CLEC16A: variants seen among roughly 807,000 people sequenced by gnomAD.
CLEC16A encodes protein CLEC16A.
Under a neutral mutation model 109.5 loss-of-function variants are expected in CLEC16A, and 51 were observed. That is an observed-to-expected ratio of 0.47 (90% CI 0.37 to 0.59). CLEC16A has a LOEUF of 0.59. Among genes scored for constraint, CLEC16A ranks in the 20% least tolerant of loss-of-function variants. The pLI, the probability that CLEC16A is intolerant of heterozygous loss-of-function variation, is 0.00. For missense variants in CLEC16A, 1,339 were observed against 1,394.0 expected (o/e 0.96, Z 0.63); for synonymous variants, 673 against 564.2 (o/e 1.19, Z -2.73).
At chr16:11,083,603 A>G (rs1269377676) in intron 19 of CLEC16A, among the ~76,000 whole-genome samples, 1 of 152,166 alleles carries the variant, frequency 6.6e-6, no homozygotes, top group Admixed American at 6.5e-5. Flanking sequence ...CTCTCACTCC[A>G]TCCTAGCATC....
intron 19 of CLEC16A, among the ~76,000 whole-genome samples, chr16:11,117,775 A>C (rs961622174): frequency 6.6e-6 from 1 of 152,158 alleles, no homozygotes; most frequent in Non-Finnish European, 1.5e-5. Context: ...TGGTGGGAAA[A>C]AATTGCACTC....
intron 19 of CLEC16A, among the ~76,000 whole-genome samples, chr16:11,090,811 A>AT (rs71136616): frequency 0.033 from 2,625 of 80,716 alleles, 112 homozygotes; most frequent in African/African-American, 0.074. Context: ...TACCCAGCTA[A>AT]TTTTTTTTTT....
At chr16:10,971,008 A>ATTTTTTTTTTTTTTTTTTTTTTTTTTTTT in intron 4 of CLEC16A, 117 bp from the exon 5 acceptor site, 1 of 506,592 alleles carries the variant, frequency 2.0e-6, no homozygotes. Flanking sequence ...CATTGGCAAC[A>ATTTTTTTTTTTTTTTTTTTTTTTTTTTTT]TTTTTTTTTT....
At chr16:10,998,499 G>C (rs76925392) in intron 10 of CLEC16A, among the ~76,000 whole-genome samples, 3 of 152,190 alleles carry the variant, frequency 2.0e-5, no homozygotes, top group Non-Finnish European at 2.9e-5. Context: ...GGCATGTGTT[G>C]TGTACTTTCT....
At chr16:11,055,848 C>T (rs757336817) in intron 18 of CLEC16A, among the ~76,000 whole-genome samples, 4 of 152,074 alleles carry the variant, frequency 2.6e-5, no homozygotes, top group African/African-American at 4.8e-5. Context: ...CTCGGCCTCC[C>T]ATGGTGCTGG....
intron 12 of CLEC16A, among the ~76,000 whole-genome samples, chr16:11,021,924 A>G (rs1018603708): frequency 3.9e-5 from 6 of 152,192 alleles, no homozygotes; most frequent in African/African-American, 1.4e-4. Flanking sequence ...AATGGAAGAG[A>G]AACACCCATG....
At chr16:11,043,793 AG>A (rs898470460) in intron 15 of CLEC16A, among the ~76,000 whole-genome samples, 3 of 151,758 alleles carry the variant, frequency 2.0e-5, no homozygotes, top group Non-Finnish European at 4.4e-5. Flanking sequence ...TGAACCTGGG[AG>A]GCGGAGGTTG....
chr16:10,972,864 TTTG>T (rs1021655085), intron 6 of CLEC16A, 71 bp from the exon 7 acceptor site: 2 of 1,483,916 alleles, frequency 1.3e-6, no homozygotes, highest in African/African-American at 2.8e-5. Flanking sequence ...TTGCTTTGTT[TTTG>T]TTTTTTTTTT....
At chr16:10,947,786 C>G (rs1002048965) in intron 1 of CLEC16A, among the ~76,000 whole-genome samples, 1 of 152,294 alleles carries the variant, frequency 6.6e-6, no homozygotes, top group Non-Finnish European at 1.5e-5. Context: ...TTAATACACT[C>G]TTACCTTGAC....
At chr16:10,992,285 G>A (rs867726464) in intron 10 of CLEC16A, among the ~76,000 whole-genome samples, 1 of 151,870 alleles carries the variant, frequency 6.6e-6, no homozygotes, top group Non-Finnish European at 1.5e-5. Context: ...CCGCATCCCT[G>A]CATCCCCTCC....
At chr16:11,005,681 C>T (rs555008285) in intron 11 of CLEC16A, among the ~76,000 whole-genome samples, 1 of 152,286 alleles carries the variant, frequency 6.6e-6, no homozygotes, top group East Asian at 1.9e-4. Context: ...TGTGAAGGTG[C>T]AGTTGGTGGG....
chr16:11,124,648 G>C (rs1238016297), intron 21 of CLEC16A, among the ~76,000 whole-genome samples: 1 of 152,196 alleles, frequency 6.6e-6, no homozygotes, highest in Non-Finnish European at 1.5e-5. Context: ...TGGGGGGAAG[G>C]CATGCTGTCA....
In CLEC16A at chr16:10,972,588, T is replaced by G. The variant is rs199622861; in HGVS notation, c.604+29T>G. ...AGTTATTAACCTCTGGTTTTCTGCT[T>G]TCTTAATCTACCCTTATATGTAAAT... On this transcript the variant is annotated intron_variant, in intron 6 of 23. Coordinates refer to ENST00000409790, the MANE Select transcript of CLEC16A (RefSeq NM_015226.3). The G allele has an allele frequency of 6.6e-5, 105 of 1,591,112 alleles. No individual in the cohort carries two copies. In the African/African-American group the frequency reaches 1.3e-3, roughly 20 times the overall value.
intron 19 of CLEC16A, among the ~76,000 whole-genome samples, chr16:11,085,961 G>A (rs1240829531): frequency 6.6e-6 from 1 of 152,228 alleles, no homozygotes; most frequent in Non-Finnish European, 1.5e-5. Flanking sequence ...TGTGGGAAGT[G>A]ACTTGGAGGC....
In CLEC16A at chr16:11,142,223, C is replaced by G. The variant is rs577330701; in HGVS notation, c.2641+16077C>G. On this transcript the variant is annotated intron_variant, in intron 22 of 23. Coordinates refer to ENST00000409790, the MANE Select transcript of CLEC16A (RefSeq NM_015226.3). ...AACCCACTGCTAGGCCATCGGACCCCCACAGTCTGCTCAGTCCAGTGTCCA... is the reference window on the plus strand; with the variant it reads ...AACCCACTGCTAGGCCATCGGACCCGCACAGTCTGCTCAGTCCAGTGTCCA... 2.0e-3 allele frequency among the ~76,000 whole-genome samples: 310 copies of G among 152,338 alleles called. 3 individuals are homozygous for G. The highest frequency in any genetic ancestry group is 7.2e-3 in the African/African-American group (300 of 41,574).
intron 4 of CLEC16A, 99 bp from the exon 5 acceptor site, chr16:10,971,023 TTTG>T: frequency 8.1e-5 from 50 of 616,340 alleles, no homozygotes; most frequent in South Asian, 3.2e-4. Context: ...TTTTTTTTTT[TTTG>T]TCTTTTTCTG....
intron 2 of CLEC16A, 140 bp downstream of exon 2, chr16:10,958,050 T>TAAA (rs35204351): frequency 2.8e-4 from 143 of 517,978 alleles, no homozygotes; most frequent in South Asian, 7.6e-4. Flanking sequence ...TGTCTAGCTG[T>TAAA]AAAAAAAAAA....
chr16:11,104,509 C>T (rs981266370), intron 19 of CLEC16A, among the ~76,000 whole-genome samples: 21 of 152,266 alleles, frequency 1.4e-4, no homozygotes, highest in Non-Finnish European at 2.5e-4. Flanking sequence ...ATACCCTGGG[C>T]CAGGATCTGC....
At chr16:11,073,928 G>A (rs2049208005) in intron 19 of CLEC16A, among the ~76,000 whole-genome samples, 1 of 152,194 alleles carries the variant, frequency 6.6e-6, no homozygotes, top group Admixed American at 6.5e-5. Context: ...AGTAATTTCA[G>A]GCAGTTGGAT....
Sources: gnomAD v4.1 joint callset for allele counts (sites outside exome capture counted in the v4.1 genomes callset) on GRCh38, gnomAD v4.1.1 for gene constraint, MANE v1.5 for transcripts, NCBI Gene and HGNC (gene_info 2026-07-23, HGNC 2026-07-21) for gene names.